The following ZNF420 variants were observed in gnomAD, a reference collection of about 807,000 sequenced individuals.
ZNF420 encodes the protein ATM and p53-associated KZNF protein.
In ZNF420, 31 loss-of-function variants were observed where a neutral mutation model predicts 44.7. That is an observed-to-expected ratio of 0.69 (90% confidence interval 0.52 to 0.94). The LOEUF is 0.94. Ranked by LOEUF, ZNF420 falls within the 40% of genes least tolerant of loss-of-function variation. The pLI is 0.00. For synonymous variants in ZNF420, 245 were observed against 267.4 expected (o/e 0.92, Z 0.82); for missense variants, 681 against 827.9 (o/e 0.82, Z 2.18).
chr19:37,127,138 A>G lies in ZNF420; in HGVS notation c.147A>G (p.Ser49=). 6.8e-7 allele frequency: 1 copy of G among 1,480,484 alleles called. No individual in the cohort carries two copies. Among genetic ancestry groups the G allele is most frequent in the African/African-American group, 1.4e-5 (1 of 71,024 alleles). 91.7% of individuals were successfully genotyped at this position (1,480,484 alleles called of 1,614,324 possible). A position where few individuals can be genotyped will look rare whatever the true frequency, so the allele number is the denominator to read the frequency against. ...TCTCTTATCTTTCAGACTTGCCTTC[A>G]AGGTGTGCAAGTAAGGACTTATCTC... ...YSNLVSLDLP[S]RCASKDLSPE... is the part of the protein sequence containing the mutation. Residue 49 remains serine (S), a synonymous_variant, in exon 5 of 5, where the codon TCA becomes TCG. Transcript: ENST00000337995.
chr19:37,075,695 G>T (rs1368659457), upstream of ZNF420, among the ~76,000 whole-genome samples: 16 of 151,956 alleles, frequency 1.1e-4, no homozygotes, highest in Non-Finnish European at 8.8e-5. Context: ...TGAGCTGAGA[G>T]CGCACCACTG....
chr19:37,096,222 C>G (rs995751098), intron 4 of ZNF420: 3 of 75,300 alleles, frequency 4.0e-5, no homozygotes, highest in Non-Finnish European at 7.3e-5. Flanking sequence ...TTCTCCCCCT[C>G]TCCCAGATCT....
intron 1 of ZNF420, among the ~76,000 whole-genome samples, chr19:37,035,014 G>C (rs988283433): frequency 1.3e-5 from 2 of 152,222 alleles, no homozygotes; most frequent in Non-Finnish European, 2.9e-5. Flanking sequence ...CTGATACAGA[G>C]AGAAGGTGTA....
chr19:37,042,075 C>T (rs908803536), intron 1 of ZNF420, among the ~76,000 whole-genome samples: 3 of 152,236 alleles, frequency 2.0e-5, no homozygotes, highest in Non-Finnish European at 4.4e-5. Context: ...TCTTGGCTCA[C>T]TGCAACTTCC....
At chr19:37,080,859 C>T (rs999587648) in intron 2 of ZNF420, among the ~76,000 whole-genome samples, 13 of 151,512 alleles carry the variant, frequency 8.6e-5, no homozygotes, top group African/African-American at 3.2e-4. Flanking sequence ...TCGAAACCAT[C>T]CTGGAAAAAG....
Position 37,127,336 on chromosome 19 carries a change from C to G in ZNF420, c.345C>G (p.Asp115Glu). 2 of 1,611,314 alleles carry G rather than the reference C, an allele frequency of 1.2e-6. No individual in the cohort carries two copies. ...EYFRQGMIIY[D>E]KMSIFNQHTY... ...TCAGGCAAGGGATGATCATATATGA[C>G]AAAATGTCCATTTTCAACCAGCATA... The change falls in exon 5 of 5, where the codon GAC becomes GAG. Residue 115 changes from aspartate (D) to glutamate (E), a missense_variant. Coordinates refer to ENST00000337995, the MANE Select transcript of ZNF420 (RefSeq NM_144689.5).
chr19:37,125,498 TAGGGTGGTATGA>T (rs1487723270), intron 4 of ZNF420, among the ~76,000 whole-genome samples: 3 of 152,198 alleles, frequency 2.0e-5, no homozygotes, highest in African/African-American at 7.2e-5. Flanking sequence ...CATGTACCAC[TAGGGTGGTATGA>T]AGGGTTGATT....
At chr19:37,052,619 GA>G (rs1967659899) in intron 1 of ZNF420, among the ~76,000 whole-genome samples, 1 of 152,124 alleles carries the variant, frequency 6.6e-6, no homozygotes, top group Admixed American at 6.5e-5. Flanking sequence ...CTTCTCTTAT[GA>G]AGTTTAGTTT....
In ZNF420 at chr19:37,128,311, T is replaced by A. The variant is rs1406304589; in HGVS notation, c.1320T>A (p.Ile440=). Residue 440 remains isoleucine, a synonymous_variant, in exon 5 of 5, where the codon ATT becomes ATA. Coordinates refer to ENST00000337995, the MANE Select transcript of ZNF420 (RefSeq NM_144689.5). ...CACTCCTTACACGACACCAGAGGATTCATACTGGTGAGAAACCCTATGAAT... is the reference window on the plus strand; with the variant it reads ...CACTCCTTACACGACACCAGAGGATACATACTGGTGAGAAACCCTATGAAT... ...RGSLLTRHQR[I]HTGEKPYECK... 1 of 1,613,960 alleles carries A rather than the reference T, an allele frequency of 6.2e-7. No homozygotes were observed.
At chr19:37,069,272 C>T (rs1968018037) in intron 1 of ZNF420, among the ~76,000 whole-genome samples, 1 of 151,902 alleles carries the variant, frequency 6.6e-6, no homozygotes, top group African/African-American at 2.4e-5. Context: ...ACAAAAGTAG[C>T]TATGTTTGAT....
intron 2 of ZNF420, among the ~76,000 whole-genome samples, chr19:37,086,573 A>G (rs1035827200): frequency 7.9e-5 from 12 of 152,170 alleles, no homozygotes; most frequent in Admixed American, 6.5e-5. Flanking sequence ...TCAGTTACTG[A>G]GCAAAAGATT....
Position 37,127,850 on chromosome 19 carries a change from G to A in ZNF420, c.859G>A (p.Val287Ile). Residue 287 changes from valine to isoleucine, a missense_variant, in exon 5 of 5, where the codon GTC (valine) becomes ATC (isoleucine). By Grantham distance (29) the Val-to-Ile change is conservative. This residue lies in a region of ZNF420 where 350 missense variants were observed against 382.5 expected (regional missense o/e 0.92). Coordinates refer to ENST00000337995, the MANE Select transcript of ZNF420 (RefSeq NM_144689.5). ...KLYECKECRK[V>I]FTQLSQLILH... is the part of the protein sequence containing the mutation. ...CTATGAATGTAAAGAATGTAGGAAG[G>A]TCTTTACTCAGCTCTCACAACTTAT... 6.2e-7 allele frequency: 1 copy of A among 1,613,774 alleles called. No homozygotes were observed. The highest frequency in any genetic ancestry group is 1.1e-5 in the South Asian group (1 of 91,060).
Position 37,127,572 on chromosome 19 carries a change from C to T in ZNF420, c.581C>T (p.Pro194Leu). The change falls in exon 5 of 5, where the codon CCC (proline) becomes CTC (leucine). Residue 194 changes from proline to leucine, a missense_variant. Physicochemically the swap from Pro to Leu is moderately conservative, Grantham distance 98. Coordinates refer to ENST00000337995, the MANE Select transcript of ZNF420 (RefSeq NM_144689.5). Reference protein sequence around the residue: ...LHQRLHTGEKPYACKECGKAF... With the variant: ...LHQRLHTGEKLYACKECGKAF... The stretch of plus-strand genomic sequence containing the variant: ...CAGAGACTTCATACTGGTGAGAAAC[C>T]CTATGCATGTAAGGAATGTGGGAAG... The T allele has an allele frequency of 1.2e-6, 2 of 1,613,928 alleles. No individual in the cohort carries two copies. The highest frequency in any genetic ancestry group is 2.2e-5 in the East Asian group (1 of 44,868).
intron 1 of ZNF420, among the ~76,000 whole-genome samples, chr19:37,064,466 A>G (rs8100387): frequency 6.6e-6 from 1 of 152,084 alleles, no homozygotes; most frequent in South Asian, 2.1e-4. Context: ...CCCCTTACTT[A>G]CACATATAAA....
At chr19:37,061,217 CTA>C (rs1302564410) in intron 1 of ZNF420, among the ~76,000 whole-genome samples, 1 of 152,208 alleles carries the variant, frequency 6.6e-6, no homozygotes, top group Non-Finnish European at 1.5e-5. Context: ...CACACTGGCT[CTA>C]CTTTGGATTT....
In ZNF420 at chr19:37,082,353, C is replaced by T. The variant is rs1018136598; in HGVS notation, c.-81+1965C>T. Among the ~76,000 whole-genome samples, 6 of 151,740 alleles carry T rather than the reference C, an allele frequency of 4.0e-5. No individual in the cohort carries two copies. In the South Asian group the frequency reaches 6.3e-4, roughly 16 times the overall value. ...AATGTTTTTGTACTTTTAGTAGAGA[C>T]GGGGTTTTGCCATGTTGGCCAGGCT... is the stretch of plus-strand genomic sequence containing the variant. On this transcript the variant is annotated intron_variant, in intron 2 of 4. Transcript: ENST00000337995.
At chr19:37,117,530 G>C (rs1273026343) in intron 4 of ZNF420, among the ~76,000 whole-genome samples, 1 of 152,132 alleles carries the variant, frequency 6.6e-6, no homozygotes, top group Non-Finnish European at 1.5e-5. Context: ...AAAAAACAGA[G>C]CAGAAAAACT....
chr19:37,031,269 T>C (rs1205354494), intron 1 of ZNF420, among the ~76,000 whole-genome samples: 1 of 152,168 alleles, frequency 6.6e-6, no homozygotes, highest in African/African-American at 2.4e-5. Context: ...ATTTCATTCT[T>C]ATTGTGAAAT....
At chr19:37,049,206 A>G (rs1826631230) in intron 1 of ZNF420, among the ~76,000 whole-genome samples, 2 of 152,112 alleles carry the variant, frequency 1.3e-5, no homozygotes, top group African/African-American at 4.8e-5. Context: ...TAGCAGCATG[A>G]TTTCTAATGC....
Sources: allele counts gnomAD v4.1 joint callset (sites outside exome capture counted in the v4.1 genomes callset), GRCh38; gene constraint gnomAD v4.1.1; regional missense constraint gnomAD v4.1.1; transcripts MANE v1.5; gene names NCBI Gene and HGNC (gene_info 2026-07-23, HGNC 2026-07-21).